Variants in B3GALT1 observed in about 807,000 individuals in gnomAD.
B3GALT1 encodes beta-1,3-galactosyltransferase 1, also known as UDP-Gal:betaGlcNAc beta 1,3-galactosyltransferase, polypeptide 1.
Under a neutral mutation model 23.2 loss-of-function variants are expected in B3GALT1, and 10 were observed. The ratio of observed to expected loss-of-function variants is 0.43; its 90% CI spans 0.27 to 0.73. B3GALT1 has a LOEUF of 0.73. Among genes scored for constraint, B3GALT1 ranks in the 30% least tolerant of loss-of-function variants. The pLI is 0.21. For missense variants in B3GALT1, 299 were observed against 405.4 expected, an observed-to-expected ratio of 0.74 and a Z score of 2.25; for synonymous variants, 156 against 141.5, an observed-to-expected ratio of 1.10 and a Z score of -0.73.
At chr2:167,594,172 T>C (rs994447719) in intron 2 of B3GALT1, among the ~76,000 whole-genome samples, 1 of 152,096 alleles carries the variant, frequency 6.6e-6, no homozygotes, top group Non-Finnish European at 1.5e-5. Flanking sequence ...GTGGAGGTAG[T>C]TTTGCTGTGG....
At chr2:167,346,154 C>A (rs886741106) in intron 1 of B3GALT1, among the ~76,000 whole-genome samples, 1 of 151,062 alleles carries the variant, frequency 6.6e-6, no homozygotes, top group African/African-American at 2.4e-5. Flanking sequence ...ACGAAAATAA[C>A]CATTTTGTGA....
At chr2:167,634,886 G>T (rs557106516) in intron 2 of B3GALT1, among the ~76,000 whole-genome samples, 17 of 152,050 alleles carry the variant, frequency 1.1e-4, no homozygotes, top group African/African-American at 3.4e-4. Flanking sequence ...ACCTGGCAGA[G>T]ACACAACAAA....
At chr2:167,601,152 C>A (rs1684870918) in intron 2 of B3GALT1, among the ~76,000 whole-genome samples, 1 of 152,112 alleles carries the variant, frequency 6.6e-6, no homozygotes. Flanking sequence ...CTCTGAGTCC[C>A]TGGTTCAAGC....
chr2:167,640,860 G>T (rs945265295), intron 2 of B3GALT1, among the ~76,000 whole-genome samples: 1 of 152,230 alleles, frequency 6.6e-6, no homozygotes, highest in African/African-American at 2.4e-5. Flanking sequence ...AATCTAGACA[G>T]ACAGAGCTAT....
intron 2 of B3GALT1, among the ~76,000 whole-genome samples, chr2:167,548,651 C>G (rs1174078621): frequency 6.7e-6 from 1 of 149,546 alleles, no homozygotes. Context: ...AGATGCCATA[C>G]CAGCCCTGGA....
chr2:167,733,786 A>G (rs913957870), intron 3 of B3GALT1, among the ~76,000 whole-genome samples: 6 of 152,186 alleles, frequency 3.9e-5, no homozygotes, highest in Non-Finnish European at 7.3e-5. Context: ...CCTTTGGCTC[A>G]GGTTTCCACA....
intron 1 of B3GALT1, among the ~76,000 whole-genome samples, chr2:167,322,816 T>G (rs1270062756): frequency 6.6e-6 from 1 of 152,082 alleles, no homozygotes; most frequent in Non-Finnish European, 1.5e-5. Context: ...GTCTTGATTT[T>G]AAACTTATAA....
In B3GALT1 at chr2:167,824,934, G is replaced by C. The variant is rs187439336; in HGVS notation, c.-230+6141G>C. On this transcript the variant is annotated intron_variant, in intron 4 of 4. Transcript: ENST00000392690. ...GAGATCCATAGAGAGAGATCTCTGAGCTAGAATATAAACTTAAGAGTTATT... is the reference window on the plus strand; with the variant it reads ...GAGATCCATAGAGAGAGATCTCTGACCTAGAATATAAACTTAAGAGTTATT... 1.4e-4 allele frequency among the ~76,000 whole-genome samples: 22 copies of C among 152,214 alleles called. No individual in the cohort carries two copies. The East Asian group carries it at 2.1e-3, about 15-fold the overall frequency.
intron 2 of B3GALT1, among the ~76,000 whole-genome samples, chr2:167,574,990 T>C (rs1047671963): frequency 1.3e-5 from 2 of 151,732 alleles, no homozygotes; most frequent in African/African-American, 4.8e-5. Context: ...CTTTACAGCA[T>C]AATGTCTCTA....
In B3GALT1 at chr2:167,716,174, G is replaced by T. The variant is rs540928294; in HGVS notation, c.-352+69208G>T. 4.4e-3 allele frequency: 5,136 copies of T among 1,178,074 alleles called. 14 individuals are homozygous for T. Among genetic ancestry groups the T allele is most frequent in the Non-Finnish European group, 5.4e-3 (4,559 of 838,080 alleles). 73.0% of individuals were successfully genotyped at this position (1,178,074 alleles called of 1,614,324 possible). ...CGAATCCGCACGCGGCAACCAACCG[G>T]AGCGGACTACTGCGGAGCCGGCTGC... On this transcript the variant is annotated intron_variant, in intron 3 of 4. Coordinates refer to ENST00000392690, the MANE Select transcript of B3GALT1 (RefSeq NM_020981.4).
Position 167,664,311 on chromosome 2 carries a change from A to G in B3GALT1, c.-352+17345A>G, listed in dbSNP as rs532657600. On this transcript the variant is annotated intron_variant, in intron 3 of 4. Transcript: ENST00000392690. ...ATTTCTGAGGGCTCTGTTCTGTTCC[A>G]TTGATCTCTATCTCTGTTTTGGTAC... Among the ~76,000 whole-genome samples the G allele has an allele frequency of 1.4e-4, 21 of 151,474 alleles. No individual in the cohort carries two copies. In the East Asian group the frequency reaches 3.7e-3, roughly 27 times the overall value.
intron 3 of B3GALT1, among the ~76,000 whole-genome samples, chr2:167,800,266 C>T (rs1688617087): frequency 6.6e-6 from 1 of 152,126 alleles, no homozygotes; most frequent in Non-Finnish European, 1.5e-5. Context: ...ACAAGTAGCT[C>T]CCAGAATAGC....
intron 2 of B3GALT1, among the ~76,000 whole-genome samples, chr2:167,632,447 C>G (rs1685466781): frequency 6.6e-6 from 1 of 152,042 alleles, no homozygotes; most frequent in African/African-American, 2.4e-5. Context: ...AACATCCTCT[C>G]TGGCATCTGT....
chr2:167,704,923 T>C (rs1471187560), intron 3 of B3GALT1, among the ~76,000 whole-genome samples: 2 of 151,896 alleles, frequency 1.3e-5, no homozygotes, highest in Non-Finnish European at 2.9e-5. Context: ...ATCACTATGA[T>C]AAAATAAAGA....
chr2:167,637,542 T>C (rs1685580010), intron 2 of B3GALT1, among the ~76,000 whole-genome samples: 1 of 152,068 alleles, frequency 6.6e-6, no homozygotes, highest in South Asian at 2.1e-4. Context: ...TTTTGAAATA[T>C]ACAATACATT....
chr2:167,594,446 T>C (rs1179911699), intron 2 of B3GALT1, among the ~76,000 whole-genome samples: 1 of 152,196 alleles, frequency 6.6e-6, no homozygotes, highest in African/African-American at 2.4e-5. Context: ...AAATACACCA[T>C]ACAGTAAAAT....
At chr2:167,867,695 C>G (rs1489421449) in intron 4 of B3GALT1, among the ~76,000 whole-genome samples, 1 of 152,172 alleles carries the variant, frequency 6.6e-6, no homozygotes, top group East Asian at 1.9e-4. Context: ...TTGAAGCAGA[C>G]TTTGTTAAAA....
chr2:167,389,199 A>G (rs1417418589), intron 1 of B3GALT1, among the ~76,000 whole-genome samples: 1 of 152,094 alleles, frequency 6.6e-6, no homozygotes, highest in African/African-American at 2.4e-5. Flanking sequence ...GGCTTAGATT[A>G]TTTTTTCCCA....
chr2:167,502,911 C>T (rs548773377), intron 2 of B3GALT1, among the ~76,000 whole-genome samples: 3 of 152,098 alleles, frequency 2.0e-5, no homozygotes, highest in Admixed American at 6.5e-5. Flanking sequence ...TGGTGGCAGG[C>T]GCCTGTAATC....
Sources: gnomAD v4.1 joint callset for allele counts (sites outside exome capture counted in the v4.1 genomes callset) on GRCh38, gnomAD v4.1.1 for gene constraint, MANE v1.5 for transcripts, NCBI Gene and HGNC (gene_info 2026-07-23, HGNC 2026-07-21) for gene names.